Variants in ACMSD observed in about 807,000 individuals in gnomAD.
ACMSD encodes aminocarboxymuconate semialdehyde decarboxylase.
Under a neutral mutation model 45.9 loss-of-function variants are expected in ACMSD, and 37 were observed. The observed-to-expected ratio is 0.81, with a 90% CI of 0.62 to 1.06. The LOEUF (loss-of-function observed/expected upper bound fraction) is 1.06, where lower values mean the gene tolerates loss of function less well. Ranked by LOEUF, ACMSD falls within the 50% of genes least tolerant of loss-of-function variation. ACMSD has a pLI of 0.00. For synonymous variants in ACMSD, 138 were observed against 148.8 expected, an observed-to-expected ratio of 0.93 and a Z score of 0.53; for missense variants, 434 against 420.9, an observed-to-expected ratio of 1.03 and a Z score of -0.27.
At chr2:134,868,116 G>C (rs527287450) in intron 6 of ACMSD, among the ~76,000 whole-genome samples, 1 of 152,220 alleles carries the variant, frequency 6.6e-6, no homozygotes, top group Non-Finnish European at 1.5e-5. Flanking sequence ...GATGATAATA[G>C]CATCAGCTCA....
At chr2:134,852,700 G>A (rs1687399274) in intron 2 of ACMSD, among the ~76,000 whole-genome samples, 1 of 152,136 alleles carries the variant, frequency 6.6e-6, no homozygotes, top group African/African-American at 2.4e-5. Context: ...TGTGGGAGCT[G>A]CAGTGACTAC....
chr2:134,866,800 G>A (rs1343617748), intron 5 of ACMSD, among the ~76,000 whole-genome samples: 1 of 152,196 alleles, frequency 6.6e-6, no homozygotes, highest in Non-Finnish European at 1.5e-5. Flanking sequence ...GTTGCATAAA[G>A]GTCATTCCAT....
chr2:134,850,697 C>T (rs1465305160), intron 2 of ACMSD, among the ~76,000 whole-genome samples: 2 of 151,980 alleles, frequency 1.3e-5, no homozygotes, highest in Non-Finnish European at 2.9e-5. Context: ...TGACTAAATG[C>T]TCCTTTTTAG....
rs757649879 is a variant in ACMSD, at chr2:134,863,432, T to A, written c.287T>A (p.Leu96Ter). Reference protein sequence around the residue: ...PEDTLNLCQLLNNDLASTVVS... With the variant: ...PEDTLNLCQL ...GACACTTTAAACCTGTGCCAGCTTT[T>A]AAACAACGACCTTGCCAGCACCGTT... Residue 96 changes from leucine to a stop codon, truncating the protein, a stop_gained, in exon 5 of 10, where the codon TTA becomes TAA. Coordinates refer to ENST00000356140, the MANE Select transcript of ACMSD (RefSeq NM_138326.3). LOFTEE classifies it high-confidence loss of function. The A allele has an allele frequency of 5.0e-6, 8 of 1,614,134 alleles. No individual in the cohort carries two copies. In the Admixed American group the frequency reaches 1.3e-4, roughly 27 times the overall value.
At chr2:134,892,417 TAA>T (rs1156301856) in intron 8 of ACMSD, among the ~76,000 whole-genome samples, 2 of 151,768 alleles carry the variant, frequency 1.3e-5, no homozygotes, top group Non-Finnish European at 2.9e-5. Flanking sequence ...AGAGGCTCTG[TAA>T]AAAGGGCCTG....
At chr2:134,847,678 C>T (rs995866834) in intron 2 of ACMSD, among the ~76,000 whole-genome samples, 6 of 152,014 alleles carry the variant, frequency 3.9e-5, no homozygotes, top group Non-Finnish European at 7.4e-5. Flanking sequence ...TCTCATTGTT[C>T]AACTCCCACT....
intron 1 of ACMSD, among the ~76,000 whole-genome samples, chr2:134,840,265 A>T (rs1686743491): frequency 1.3e-5 from 2 of 150,892 alleles, no homozygotes. Context: ...ATGCTTTGGA[A>T]ACCACCACGG....
intron 2 of ACMSD, among the ~76,000 whole-genome samples, chr2:134,855,061 CT>C (rs1687518162): frequency 6.6e-6 from 1 of 152,194 alleles, no homozygotes; most frequent in Non-Finnish European, 1.5e-5. Context: ...ACCATCACCC[CT>C]CTCCTCTCCC....
chr2:134,899,029 C>A (rs1216337653), intron 9 of ACMSD, among the ~76,000 whole-genome samples: 1 of 152,066 alleles, frequency 6.6e-6, no homozygotes, highest in Non-Finnish European at 1.5e-5. Context: ...TCCTTCCACA[C>A]CCCCATCCTC....
chr2:134,894,913 T>A (rs890079762), intron 8 of ACMSD, among the ~76,000 whole-genome samples: 1 of 152,212 alleles, frequency 6.6e-6, no homozygotes, highest in Non-Finnish European at 1.5e-5. Context: ...AATAAAAAAT[T>A]AATTGTATTT....
intron 3 of ACMSD, chr2:134,859,675 A>C (rs1687756757): frequency 1.6e-5 from 3 of 190,618 alleles, no homozygotes; most frequent in Admixed American, 1.2e-4. Flanking sequence ...CAATTAAAAT[A>C]GTAAAAACTG....
intron 5 of ACMSD, among the ~76,000 whole-genome samples, chr2:134,866,107 T>C (rs1321212970): frequency 6.6e-6 from 1 of 152,110 alleles, no homozygotes; most frequent in Non-Finnish European, 1.5e-5. Flanking sequence ...AACAATATGT[T>C]AATTTGAACT....
At chr2:134,885,316 T>TAA (rs1689306856) in intron 8 of ACMSD, among the ~76,000 whole-genome samples, 1 of 103,058 alleles carries the variant, frequency 9.7e-6, no homozygotes, top group East Asian at 2.8e-4. Flanking sequence ...AATATATATA[T>TAA]ATAAATATAT....
chr2:134,857,766 A>G (rs1687651594), intron 2 of ACMSD: 1 of 151,352 alleles, frequency 6.6e-6, no homozygotes, highest in Non-Finnish European at 1.5e-5. Context: ...TCTTAGAGAA[A>G]AAGTTTTCAA....
intron 8 of ACMSD, among the ~76,000 whole-genome samples, chr2:134,875,761 C>T (rs2104897721): frequency 6.6e-6 from 1 of 152,330 alleles, no homozygotes; most frequent in East Asian, 1.9e-4. Context: ...ATGAGTATAT[C>T]ATAATTCTGG....
At chr2:134,863,116 G>A in intron 4 of ACMSD, 1 of 902,826 alleles carries the variant, frequency 1.1e-6, no homozygotes, top group Non-Finnish European at 1.3e-6. Context: ...CATCTCTAGT[G>A]TTGGGATACC....
chr2:134,847,693 A>G (rs1303103137), intron 2 of ACMSD, among the ~76,000 whole-genome samples: 1 of 151,972 alleles, frequency 6.6e-6, no homozygotes. Context: ...CCCACTTATG[A>G]GTGAGAACAT....
intron 6 of ACMSD, among the ~76,000 whole-genome samples, chr2:134,868,450 T>C (rs1436732375): frequency 5.6e-5 from 7 of 124,558 alleles, no homozygotes; most frequent in African/African-American, 2.2e-4. Context: ...GATATTTTTT[T>C]CTTTTTTTTT....
intron 8 of ACMSD, among the ~76,000 whole-genome samples, chr2:134,892,950 T>C (rs1689882955): frequency 6.6e-6 from 1 of 152,150 alleles, no homozygotes; most frequent in Non-Finnish European, 1.5e-5. Context: ...AAGCTTAGGA[T>C]GAGACTGACT....
Sources: gnomAD v4.1 joint callset for allele counts (sites outside exome capture counted in the v4.1 genomes callset) on GRCh38, gnomAD v4.1.1 for gene constraint, MANE v1.5 for transcripts, NCBI Gene and HGNC (gene_info 2026-07-23, HGNC 2026-07-21) for gene names.